Variants in ANKFN1 observed in about 807,000 individuals in gnomAD.
ANKFN1 encodes ankyrin repeat and fibronectin type-III domain-containing protein 1.
A neutral mutation model predicts 108.7 loss-of-function variants in ANKFN1; 74 were observed. That is an observed-to-expected ratio of 0.68 (90% confidence interval 0.56 to 0.83). ANKFN1 has a LOEUF of 0.83. Among genes scored for constraint, ANKFN1 ranks in the 40% least tolerant of loss-of-function variants. ANKFN1 has a pLI of 0.00. For missense variants in ANKFN1, 1,505 were observed against 1,382.3 expected, an observed-to-expected ratio of 1.09 and a Z score of -1.41; for synonymous variants, 547 against 516.2, an observed-to-expected ratio of 1.06 and a Z score of -0.81.
intron 6 of ANKFN1, among the ~76,000 whole-genome samples, chr17:56,366,787 C>T (rs1312632758): frequency 6.6e-6 from 1 of 152,188 alleles, no homozygotes; most frequent in Non-Finnish European, 1.5e-5. Context: ...TGTAAGTATA[C>T]TCTGTAATAT....
intron 2 of ANKFN1, among the ~76,000 whole-genome samples, chr17:56,214,117 A>C (rs1307036471): frequency 6.6e-6 from 1 of 152,250 alleles, no homozygotes; most frequent in Non-Finnish European, 1.5e-5. Context: ...GAGCAGAAGC[A>C]CAATTAGCCT....
At chr17:56,246,459 T>C (rs369004200) in intron 3 of ANKFN1, among the ~76,000 whole-genome samples, 2 of 152,214 alleles carry the variant, frequency 1.3e-5, no homozygotes, top group East Asian at 3.9e-4. Flanking sequence ...CTAAAGTTAA[T>C]GGCTACAGCT....
At chr17:56,404,721 G>T (rs917906997) in intron 8 of ANKFN1, among the ~76,000 whole-genome samples, 2 of 152,082 alleles carry the variant, frequency 1.3e-5, no homozygotes, top group African/African-American at 2.4e-5. Context: ...ATTTTGGGGG[G>T]TATGGAAGAG....
chr17:56,231,315 C>T (rs768362125), intron 3 of ANKFN1, among the ~76,000 whole-genome samples: 2 of 152,104 alleles, frequency 1.3e-5, no homozygotes, highest in Non-Finnish European at 2.9e-5. Flanking sequence ...TGCATCAGAA[C>T]TTTTTGCCCT....
intron 4 of ANKFN1, among the ~76,000 whole-genome samples, chr17:56,110,609 T>C (rs1044843454): frequency 7.2e-5 from 11 of 152,144 alleles, no homozygotes; most frequent in Non-Finnish European, 1.2e-4. Flanking sequence ...AATGAACAAA[T>C]GAGTGAAGGC....
intron 19 of ANKFN1, among the ~76,000 whole-genome samples, chr17:56,497,491 T>G (rs1567707919): frequency 6.6e-6 from 1 of 152,184 alleles, no homozygotes; most frequent in Non-Finnish European, 1.5e-5. Context: ...CTTGGCGGAC[T>G]GAATGTCAGA....
chr17:56,159,067 A>G (rs1343641570), intron 1 of ANKFN1, among the ~76,000 whole-genome samples: 1 of 151,048 alleles, frequency 6.6e-6, no homozygotes, highest in Non-Finnish European at 1.5e-5. Flanking sequence ...CAGAAGAAGA[A>G]GAAAGAAGAA....
chr17:56,488,492 G>A (rs937377687), intron 18 of ANKFN1, among the ~76,000 whole-genome samples: 5 of 152,194 alleles, frequency 3.3e-5, no homozygotes, highest in African/African-American at 9.7e-5. Context: ...TATGACAAAT[G>A]ATGAGTTTTG....
At chr17:56,264,685 A>C (rs1036466122) in intron 3 of ANKFN1, among the ~76,000 whole-genome samples, 36 of 152,278 alleles carry the variant, frequency 2.4e-4, no homozygotes, top group African/African-American at 8.4e-4. Flanking sequence ...TGGGTTCTAC[A>C]GGTTTGGATT....
intron 8 of ANKFN1, among the ~76,000 whole-genome samples, chr17:56,386,387 G>T (rs2047270570): frequency 6.6e-6 from 1 of 151,492 alleles, no homozygotes; most frequent in Admixed American, 6.6e-5. Flanking sequence ...CAAGTTAATG[G>T]GTGCAGCACA....
chr17:56,434,935 T>C (rs1343600727), intron 8 of ANKFN1, among the ~76,000 whole-genome samples: 1 of 152,118 alleles, frequency 6.6e-6, no homozygotes, highest in Non-Finnish European at 1.5e-5. Context: ...CCAGGGTGAA[T>C]GTGGCCAGTA....
chr17:56,488,572 A>C (rs1241349053), intron 18 of ANKFN1, among the ~76,000 whole-genome samples: 1 of 152,228 alleles, frequency 6.6e-6, no homozygotes, highest in Non-Finnish European at 1.5e-5. Context: ...GAAATGGCAT[A>C]GTGTCAACCT....
At chr17:56,266,798 A>G (rs2043664262) in intron 3 of ANKFN1, among the ~76,000 whole-genome samples, 1 of 152,248 alleles carries the variant, frequency 6.6e-6, no homozygotes, top group African/African-American at 2.4e-5. Flanking sequence ...CACTAAAAAA[A>G]CAAAAATTAT....
chr17:56,113,694 G>T (rs1192900130), intron 4 of ANKFN1, among the ~76,000 whole-genome samples: 1 of 152,150 alleles, frequency 6.6e-6, no homozygotes, highest in Non-Finnish European at 1.5e-5. Flanking sequence ...TAAACATTGG[G>T]CTCTACAATT....
intron 1 of ANKFN1, among the ~76,000 whole-genome samples, chr17:56,165,497 T>C (rs969078593): frequency 2.0e-5 from 3 of 152,208 alleles, no homozygotes; most frequent in Non-Finnish European, 4.4e-5. Context: ...CTAGGTAACA[T>C]GTTCTACATA....
intron 4 of ANKFN1, among the ~76,000 whole-genome samples, chr17:56,339,990 A>G: frequency 6.6e-6 from 1 of 152,038 alleles, no homozygotes; most frequent in Non-Finnish European, 1.5e-5. Context: ...TTTTAATAGT[A>G]GCCATTCTGA....
intron 3 of ANKFN1, among the ~76,000 whole-genome samples, chr17:56,284,027 A>G (rs1264951439): frequency 6.6e-6 from 1 of 152,228 alleles, no homozygotes; most frequent in Non-Finnish European, 1.5e-5. Flanking sequence ...ACCTAGTAAT[A>G]GACTTTCAGA....
chr17:56,262,584 G>A (rs1188691691), intron 3 of ANKFN1, among the ~76,000 whole-genome samples: 2 of 152,138 alleles, frequency 1.3e-5, no homozygotes, highest in African/African-American at 4.8e-5. Context: ...TATCAGAGTA[G>A]GTGGGAAGGC....
At chr17:56,388,218 A>G (rs2144858316) in intron 8 of ANKFN1, among the ~76,000 whole-genome samples, 1 of 151,448 alleles carries the variant, frequency 6.6e-6, no homozygotes, top group Admixed American at 6.6e-5. Flanking sequence ...GGCTCACTGC[A>G]TCACTGCAGC....
Sources: gnomAD v4.1 joint callset for allele counts (sites outside exome capture counted in the v4.1 genomes callset) on GRCh38, gnomAD v4.1.1 for gene constraint, MANE v1.5 for transcripts, NCBI Gene and HGNC (gene_info 2026-07-23, HGNC 2026-07-21) for gene names.